CNBD1: variants seen among roughly 807,000 people sequenced by gnomAD.
CNBD1 encodes cyclic nucleotide binding domain containing 1.
In CNBD1, 71 loss-of-function variants were observed where a neutral mutation model predicts 54.4. That is an observed-to-expected ratio of 1.30 (90% CI 1.08 to 1.59). The LOEUF is 1.59. Among genes scored for constraint, CNBD1 ranks in the 40% most tolerant of loss-of-function variants. The probability of loss-of-function intolerance (pLI) is 0.00; values close to 1 mark genes in which losing one functional copy is unlikely to be tolerated. For synonymous variants in CNBD1, 182 were observed against 170.7 expected (o/e 1.07, Z -0.51); for missense variants, 659 against 518.0 (o/e 1.27, Z -2.64).
intron 3 of CNBD1, among the ~76,000 whole-genome samples, chr8:86,926,014 G>T (rs1212220687): frequency 6.6e-6 from 1 of 152,064 alleles, no homozygotes; most frequent in Non-Finnish European, 1.5e-5. Flanking sequence ...TTCCCTTATT[G>T]TCCCCTCCCA....
chr8:87,363,133 T>A (rs1434210782), intron 10 of CNBD1, among the ~76,000 whole-genome samples: 1 of 152,138 alleles, frequency 6.6e-6, no homozygotes, highest in African/African-American at 2.4e-5. Flanking sequence ...GTTAGTTTGC[T>A]GAAAATGATG....
downstream of CNBD1, among the ~76,000 whole-genome samples, chr8:87,387,611 C>A (rs920926399): frequency 1.3e-5 from 2 of 152,098 alleles, no homozygotes; most frequent in Non-Finnish European, 2.9e-5. Context: ...TAAAGCAAGT[C>A]CTTAGAGACC....
intron 4 of CNBD1, among the ~76,000 whole-genome samples, chr8:87,136,165 G>A (rs1442835623): frequency 6.6e-6 from 1 of 151,948 alleles, no homozygotes; most frequent in East Asian, 1.9e-4. Context: ...CAAAAGCAAT[G>A]GAAGTATTCA....
chr8:87,235,868 T>A (rs1563518538), intron 5 of CNBD1, among the ~76,000 whole-genome samples: 1 of 152,090 alleles, frequency 6.6e-6, no homozygotes, highest in Non-Finnish European at 1.5e-5. Context: ...CAAGATATGC[T>A]TGTATTGTGT....
At chr8:87,251,577 A>G (rs1807918545) in intron 6 of CNBD1, among the ~76,000 whole-genome samples, 1 of 146,780 alleles carries the variant, frequency 6.8e-6, no homozygotes, top group Non-Finnish European at 1.5e-5. Flanking sequence ...AACAAGAGCG[A>G]AACTCTGTCT....
chr8:86,881,034 A>T (rs1329896213), intron 1 of CNBD1, among the ~76,000 whole-genome samples: 2 of 152,172 alleles, frequency 1.3e-5, no homozygotes, highest in Non-Finnish European at 2.9e-5. Flanking sequence ...CCTCAAAATG[A>T]TAAGAACCCT....
At chr8:87,225,969 G>A (rs1391470253) in intron 5 of CNBD1, among the ~76,000 whole-genome samples, 1 of 151,256 alleles carries the variant, frequency 6.6e-6, no homozygotes, top group Non-Finnish European at 1.5e-5. Context: ...TTAGTCTTGG[G>A]AGAGTGTATG....
At position 87,159,399 on chromosome 8, in the gene CNBD1, T is replaced by TA. The variant is rs1158904741; in HGVS notation, c.432-46590dup. Among the ~76,000 whole-genome samples the TA allele has an allele frequency of 4.6e-5, 7 of 152,226 alleles. 1 individual carries two copies. The East Asian group carries it at 9.7e-4, about 21-fold the overall frequency. On this transcript the variant is annotated intron_variant, in intron 4 of 10. Coordinates refer to ENST00000518476, the MANE Select transcript of CNBD1 (RefSeq NM_173538.3). ...ATATTCTTCTAGCTCTTATGGAAGG[T>TA]AAAATTAAAACAATAAAGTTATAAT...
chr8:87,300,425 A>T (rs1808965256), intron 8 of CNBD1, among the ~76,000 whole-genome samples: 1 of 152,118 alleles, frequency 6.6e-6, no homozygotes, highest in Non-Finnish European at 1.5e-5. Flanking sequence ...CCATATTGAA[A>T]AACTTTAAAA....
In CNBD1 at chr8:87,371,229, A is replaced by G. The variant is rs571658060; in HGVS notation, c.1304-11391A>G. On this transcript the variant is annotated intron_variant, in intron 10 of 10. Coordinates refer to ENST00000518476, the MANE Select transcript of CNBD1 (RefSeq NM_173538.3). Reference sequence around the variant, plus strand: ...AATGGGGGCTCTTTTTTGGTTCCATATGAACTTTAAAGTAGTTTTTTCCAT... The same window carrying G: ...AATGGGGGCTCTTTTTTGGTTCCATGTGAACTTTAAAGTAGTTTTTTCCAT... Among the ~76,000 whole-genome samples, 7 of 152,048 alleles carry G rather than the reference A, an allele frequency of 4.6e-5. No individual in the cohort carries two copies. The South Asian group carries it at 1.2e-3, about 27-fold the overall frequency.
intron 2 of CNBD1, among the ~76,000 whole-genome samples, chr8:87,417,531 G>A (rs1807857331): frequency 6.6e-6 from 1 of 151,894 alleles, no homozygotes. Context: ...TATCCAGATT[G>A]GAATAGAATT....
intron 4 of CNBD1, among the ~76,000 whole-genome samples, chr8:87,155,098 A>C (rs1042425324): frequency 6.6e-6 from 1 of 152,166 alleles, no homozygotes; most frequent in African/African-American, 2.4e-5. Flanking sequence ...GGGATTCAAT[A>C]TTAAGAGGTG....
At chr8:87,130,869 A>AT (rs1002461157) in intron 4 of CNBD1, among the ~76,000 whole-genome samples, 19 of 151,248 alleles carry the variant, frequency 1.3e-4, no homozygotes, top group Admixed American at 6.6e-4. Context: ...AATTTTGTCC[A>AT]TTTTTTTGTT....
intron 4 of CNBD1, among the ~76,000 whole-genome samples, chr8:86,998,328 A>G (rs1279901529): frequency 6.6e-6 from 1 of 151,972 alleles, no homozygotes; most frequent in Non-Finnish European, 1.5e-5. Context: ...AAGGCACATC[A>G]CGGTCTTCTT....
chr8:87,423,586 T>A (rs1185342905), intron 2 of CNBD1, among the ~76,000 whole-genome samples: 1 of 148,826 alleles, frequency 6.7e-6, no homozygotes, highest in African/African-American at 2.6e-5. Flanking sequence ...ATTTATTGAT[T>A]TGCGTATATT....
chr8:87,226,856 T>C (rs1814511143), intron 5 of CNBD1, among the ~76,000 whole-genome samples: 1 of 151,300 alleles, frequency 6.6e-6, no homozygotes, highest in South Asian at 2.1e-4. Context: ...AGTCTCCCAT[T>C]ATTAATGTGT....
At chr8:87,150,200 A>G (rs1484043310) in intron 4 of CNBD1, among the ~76,000 whole-genome samples, 1 of 152,074 alleles carries the variant, frequency 6.6e-6, no homozygotes, top group Non-Finnish European at 1.5e-5. Flanking sequence ...AAACAAAAAC[A>G]AAAATCAGGT....
At chr8:86,953,243 CA>C (rs1807670982) in intron 4 of CNBD1, among the ~76,000 whole-genome samples, 1 of 152,110 alleles carries the variant, frequency 6.6e-6, no homozygotes, top group Non-Finnish European at 1.5e-5. Flanking sequence ...AGAAAAGAAA[CA>C]ACTTAATAAT....
At chr8:87,070,104 C>T (rs1392656169) in intron 4 of CNBD1, among the ~76,000 whole-genome samples, 13 of 152,040 alleles carry the variant, frequency 8.6e-5, no homozygotes, top group Admixed American at 8.5e-4. Flanking sequence ...ATCCACATTT[C>T]TGGACATTTG....
Sources: gnomAD v4.1 joint callset for allele counts (sites outside exome capture counted in the v4.1 genomes callset) on GRCh38, gnomAD v4.1.1 for gene constraint, MANE v1.5 for transcripts, NCBI Gene and HGNC (gene_info 2026-07-23, HGNC 2026-07-21) for gene names.